EED: variants seen among roughly 807,000 people sequenced by gnomAD.
EED encodes the protein polycomb protein EED.
Under a neutral mutation model 61.0 loss-of-function variants are expected in EED, and 9 were observed. The observed-to-expected ratio is 0.15, with a 90% CI of 0.09 to 0.26. EED has a LOEUF of 0.26. Among genes scored for constraint, EED ranks in the 10% least tolerant of loss-of-function variants. EED has a pLI of 1.00. For synonymous variants in EED, 187 were observed against 174.4 expected, an observed-to-expected ratio of 1.07 and a Z score of -0.57; for missense variants, 315 against 542.3, an observed-to-expected ratio of 0.58 and a Z score of 4.16.
At chr11:86,253,736 GTGAC>G (rs1431127734) in intron 3 of EED, among the ~76,000 whole-genome samples, 1 of 152,022 alleles carries the variant, frequency 6.6e-6, no homozygotes, top group African/African-American at 2.4e-5. Context: ...TTTTGCTAAT[GTGAC>G]TGACTATAAG....
intron 2 of EED, among the ~76,000 whole-genome samples, chr11:86,251,438 G>C (rs186799753): frequency 6.6e-6 from 1 of 152,290 alleles, no homozygotes; most frequent in Non-Finnish European, 1.5e-5. Flanking sequence ...TTCAAATGAT[G>C]AGAAAACGAA....
the EED span, among the ~76,000 whole-genome samples, chr11:86,287,120 G>A: frequency 6.7e-6 from 1 of 149,556 alleles, no homozygotes; most frequent in Non-Finnish European, 1.5e-5. Context: ...TGTAATGCTG[G>A]TTGTAACTCA....
chr11:86,273,027 A>AT (rs200927226), intron 9 of EED, among the ~76,000 whole-genome samples: 3 of 151,440 alleles, frequency 2.0e-5, no homozygotes, highest in Admixed American at 6.6e-5. Flanking sequence ...ATTTTACAAT[A>AT]TTTTTTTTTC....
At chr11:86,272,942 TG>T (rs1411068720) in intron 9 of EED, among the ~76,000 whole-genome samples, 1 of 152,240 alleles carries the variant, frequency 6.6e-6, no homozygotes, top group Non-Finnish European at 1.5e-5. Flanking sequence ...CCTAACTTTC[TG>T]GGTTACATGA....
intron 1 of EED, among the ~76,000 whole-genome samples, chr11:86,248,789 T>C (rs3923738): frequency 0.32 from 49,172 of 151,876 alleles, 8,076 homozygotes; most frequent in Non-Finnish European, 0.36. Context: ...GTGGCTGAGG[T>C]GGGAGGATCC....
chr11:86,263,056 C>G (rs1945876583), intron 6 of EED, among the ~76,000 whole-genome samples: 1 of 152,132 alleles, frequency 6.6e-6, no homozygotes, highest in South Asian at 2.1e-4. Context: ...GATCCTCCTG[C>G]CTCAATCTCA....
chr11:86,275,476 G>A (rs10792845), intron 9 of EED, among the ~76,000 whole-genome samples: 121,673 of 152,170 alleles, frequency 0.8, 48,808 homozygotes, highest in Non-Finnish European at 0.83. Context: ...TAAATCTGGC[G>A]CAAGGCCCTG....
intron 3 of EED, among the ~76,000 whole-genome samples, chr11:86,254,404 T>C (rs945700922): frequency 6.6e-5 from 10 of 151,520 alleles, no homozygotes; most frequent in Non-Finnish European, 1.2e-4. Context: ...CACTGCAACT[T>C]CTGCCTCCTG....
intron 4 of EED, among the ~76,000 whole-genome samples, chr11:86,255,938 C>T (rs1945658821): frequency 1.3e-5 from 2 of 152,212 alleles, no homozygotes; most frequent in South Asian, 2.1e-4. Flanking sequence ...TGAAATGTGA[C>T]CTGTTGTTGT....
At chr11:86,245,374 G>T in intron 1 of EED, 31 bp downstream of exon 1, 1 of 1,564,264 alleles carries the variant, frequency 6.4e-7, no homozygotes, top group Non-Finnish European at 8.8e-7. Context: ...TTACGAGACT[G>T]CGGAGTGAAA....
chr11:86,285,882 A>T, the EED span, among the ~76,000 whole-genome samples: 1 of 152,036 alleles, frequency 6.6e-6, no homozygotes, highest in African/African-American at 2.4e-5. Context: ...TACAGGTGTG[A>T]GCCACCAGGC....
In EED at chr11:86,263,200, A is replaced by G. The variant is rs1400308598; in HGVS notation, c.635-972A>G. Among the ~76,000 whole-genome samples, 5 of 152,302 alleles carry G rather than the reference A, an allele frequency of 3.3e-5. No individual in the cohort carries two copies. In the East Asian group the frequency reaches 9.6e-4, roughly 29 times the overall value. ...CAACCTCATTCTGTCTGAGACCAAC[A>G]TTGTTCTACCAACATTCTGATCACA... On this transcript the variant is annotated intron_variant, in intron 6 of 11. Coordinates refer to ENST00000263360, the MANE Select transcript of EED (RefSeq NM_003797.5).
chr11:86,250,728 G>T lies in EED; in HGVS notation c.267+280G>T, dbSNP rs555587306. 3.5e-3 allele frequency among the ~76,000 whole-genome samples: 538 copies of T among 151,588 alleles called. 9 individuals carry two copies. The highest frequency in any genetic ancestry group is 0.012 in the African/African-American group (510 of 41,356). Reference sequence around the variant, plus strand: ...GTTTGCATTCAAATTATAAGATTTGGGTAACTATTACTCTTTATATTTTAG... The same window carrying T: ...GTTTGCATTCAAATTATAAGATTTGTGTAACTATTACTCTTTATATTTTAG... On this transcript the variant is annotated intron_variant, in intron 2 of 11. Coordinates refer to ENST00000263360, the MANE Select transcript of EED (RefSeq NM_003797.5).
chr11:86,275,657 A>G (rs1946210859), intron 9 of EED, among the ~76,000 whole-genome samples: 1 of 152,184 alleles, frequency 6.6e-6, no homozygotes, highest in African/African-American at 2.4e-5. Context: ...GCTATTTTAC[A>G]GTTCTTCTGC....
intron 9 of EED, chr11:86,276,246 AT>A (rs1224700624): frequency 6.6e-6 from 1 of 152,170 alleles, no homozygotes; most frequent in Non-Finnish European, 1.5e-5. Context: ...ATTTTTTCTC[AT>A]TGTATTCTTT....
chr11:86,253,989 A>T (rs969543001), intron 3 of EED, among the ~76,000 whole-genome samples: 1 of 138,570 alleles, frequency 7.2e-6, no homozygotes, highest in African/African-American at 2.6e-5. Context: ...CAGAGGTTGC[A>T]GTGAGCCAAG....
rs897916992 is a variant in EED, at chr11:86,245,104, G to C, written c.-126G>C. 57 of 655,696 alleles carry C rather than the reference G, an allele frequency of 8.7e-5. No individual in the cohort carries two copies. Among genetic ancestry groups the C allele is most frequent in the South Asian group, 8.4e-4 (42 of 49,968 alleles). 40.6% of individuals were successfully genotyped at this position (655,696 alleles called of 1,614,324 possible). The stretch of plus-strand genomic sequence containing the variant: ...GCGGCTGGGCGCGATTTGCGACAGT[G>C]GGGGGGGCGGTGGAGGTGGCGGCGG... On this transcript the variant is annotated 5_prime_UTR_variant, in exon 1 of 12. Coordinates refer to ENST00000263360, the MANE Select transcript of EED (RefSeq NM_003797.5).
intron 6 of EED, among the ~76,000 whole-genome samples, chr11:86,262,723 C>G (rs1945865021): frequency 2.6e-5 from 4 of 151,744 alleles, no homozygotes; most frequent in African/African-American, 9.7e-5. Context: ...GTTGCCCAGG[C>G]TAGTCTCGAA....
At chr11:86,275,974 G>A (rs1946219131) in intron 9 of EED, among the ~76,000 whole-genome samples, 2 of 152,164 alleles carry the variant, frequency 1.3e-5, no homozygotes, top group Non-Finnish European at 2.9e-5. Context: ...ACCCCACAGG[G>A]CTGCCACCTG....
Sources: gnomAD v4.1 joint callset for allele counts (sites outside exome capture counted in the v4.1 genomes callset) on GRCh38, gnomAD v4.1.1 for gene constraint, MANE v1.5 for transcripts, NCBI Gene and HGNC (gene_info 2026-07-23, HGNC 2026-07-21) for gene names.